The following ANK2 variants were observed in gnomAD, a reference collection of about 807,000 sequenced individuals.
ANK2 encodes ankyrin-2.
A neutral mutation model predicts 360.5 loss-of-function variants in ANK2; 83 were observed. That is an observed-to-expected ratio of 0.23 (90% CI 0.19 to 0.28). The LOEUF is 0.28. ANK2 is among the 10% of genes least tolerant of loss of function. The probability of loss-of-function intolerance (pLI) is 1.00; values close to 1 mark genes in which losing one functional copy is unlikely to be tolerated. For synonymous variants in ANK2, 1,740 were observed against 1,759.5 expected (o/e 0.99, Z 0.28); for missense variants, 4,201 against 4,795.7 (o/e 0.88, Z 3.66).
At chr4:112,928,731 T>C (rs751316373) in intron 2 of ANK2, among the ~76,000 whole-genome samples, 38 of 152,330 alleles carry the variant, frequency 2.5e-4, no homozygotes, top group Non-Finnish European at 5.0e-4. Flanking sequence ...GACAGCCATC[T>C]GCAAGCTAAA....
At chr4:112,979,142 C>T (rs1455097946) in intron 2 of ANK2, among the ~76,000 whole-genome samples, 1 of 152,184 alleles carries the variant, frequency 6.6e-6, no homozygotes, top group Non-Finnish European at 1.5e-5. Flanking sequence ...GTGCTTGGCT[C>T]GTGCTACCAG....
chr4:113,358,946 C>T lies in ANK2; in HGVS notation c.10328C>T (p.Pro3443Leu). Residue 3443 changes from proline (P) to leucine (L), a missense_variant, in exon 38 of 46, where the codon CCA (proline) becomes CTA (leucine). Physicochemically the swap from Pro to Leu is moderately conservative, Grantham distance 98. Transcript: ENST00000357077. ...CCAAAGATACTTACATCCCGATTGC[C>T]AGTTAAGAGCAGAAGCACTACATCT... is the stretch of plus-strand genomic sequence containing the variant. ...TRPKILTSRL[P>L]VKSRSTTSSC... The T allele has an allele frequency of 6.2e-7, 1 of 1,613,840 alleles. No individual in the cohort carries two copies. The highest frequency in any genetic ancestry group is 1.1e-5 in the South Asian group (1 of 91,066).
chr4:113,041,721 G>T (rs2062997843), intron 2 of ANK2, among the ~76,000 whole-genome samples: 1 of 152,064 alleles, frequency 6.6e-6, no homozygotes, highest in Non-Finnish European at 1.5e-5. Context: ...CTATAGACTG[G>T]GTGGCTTAAA....
chr4:113,357,989 A>T lies in ANK2; in HGVS notation c.9371A>T (p.Tyr3124Phe). Residue 3124 changes from tyrosine (Y) to phenylalanine (F), a missense_variant, in exon 38 of 46, where the codon TAT becomes TTT. Physicochemically the swap from Tyr to Phe is conservative, Grantham distance 22. Transcript: ENST00000357077. ...GCCATTGATATGACCAAAAGGTCCT[A>T]TGCAGATGAAAGTTTTCACTTTTTC... ...SGAIDMTKRSYADESFHFFQI... is the reference protein window; with the variant it reads ...SGAIDMTKRSFADESFHFFQI... The T allele has an allele frequency of 6.2e-7, 1 of 1,614,042 alleles. No homozygotes were observed.
At chr4:113,096,472 T>G (rs1019705824) in intron 1 of ANK2, among the ~76,000 whole-genome samples, 3 of 152,106 alleles carry the variant, frequency 2.0e-5, no homozygotes. Flanking sequence ...GGCTTCCACC[T>G]CACAGCCTGA....
At chr4:113,002,997 C>A (rs905395299) in intron 2 of ANK2, among the ~76,000 whole-genome samples, 2 of 152,214 alleles carry the variant, frequency 1.3e-5, no homozygotes, top group Non-Finnish European at 2.9e-5. Context: ...TTCTCTTATG[C>A]AACCATCTGC....
chr4:112,813,226 A>G (rs1037184360), upstream of ANK2, among the ~76,000 whole-genome samples: 3 of 139,784 alleles, frequency 2.1e-5, no homozygotes, highest in African/African-American at 7.9e-5. Context: ...CAACAGAGTG[A>G]GACTCTGTCT....
intron 1 of ANK2, among the ~76,000 whole-genome samples, chr4:113,147,427 G>C (rs1037493390): frequency 2.0e-5 from 3 of 152,164 alleles, no homozygotes; most frequent in Non-Finnish European, 2.9e-5. Context: ...TTTTAAAAAT[G>C]TACAATGTCA....
At chr4:112,853,839 C>T (rs991804513) in intron 1 of ANK2, among the ~76,000 whole-genome samples, 4 of 152,004 alleles carry the variant, frequency 2.6e-5, no homozygotes, top group Admixed American at 2.0e-4. Flanking sequence ...GAGAGGATGC[C>T]GTTTCTAGGA....
At chr4:113,000,993 GT>G (rs904429376) in intron 2 of ANK2, among the ~76,000 whole-genome samples, 4 of 150,806 alleles carry the variant, frequency 2.7e-5, no homozygotes, top group African/African-American at 9.8e-5. Flanking sequence ...ATGTTGAACA[GT>G]TTTTTTCTTT....
At chr4:113,097,755 A>G (rs527321564) in intron 1 of ANK2, among the ~76,000 whole-genome samples, 2 of 151,742 alleles carry the variant, frequency 1.3e-5, no homozygotes, top group South Asian at 4.2e-4. Context: ...TAGCTTTTAC[A>G]AAGCTAACTT....
chr4:112,943,188 G>A (rs978488031), intron 2 of ANK2, among the ~76,000 whole-genome samples: 3 of 152,010 alleles, frequency 2.0e-5, no homozygotes, highest in Admixed American at 2.0e-4. Context: ...CAATGAGATG[G>A]GGCTTCAACA....
rs762372282 is a variant in ANK2 at position 113,358,823 on chromosome 4, A to C, written c.10205A>C (p.Lys3402Thr). The C allele has an allele frequency of 2.5e-6, 4 of 1,614,012 alleles. No individual in the cohort carries two copies. The East Asian group carries it at 6.7e-5, about 27-fold the overall frequency. The change falls in exon 38 of 46, where the codon AAA (lysine) becomes ACA (threonine). Residue 3402 changes from lysine (K) to threonine (T), a missense_variant. By Grantham distance (78) the Lys-to-Thr change is moderately conservative (BLOSUM62 -1). This residue lies in a region of ANK2 where 2,642 missense variants were observed against 2,714.5 expected (regional missense o/e 0.97). Coordinates refer to ENST00000357077, the MANE Select transcript of ANK2 (RefSeq NM_001148.6). ...SDASSLDSKTKCPVKTRSYTE... is the reference protein window; with the variant it reads ...SDASSLDSKTTCPVKTRSYTE... ...GCTAGTTCTTTGGATTCAAAGACCA[A>C]ATGCCCAGTAAAAACCCGAAGTTAC... is the stretch of plus-strand genomic sequence containing the variant.
At chr4:113,339,443 G>T (rs943304379) in intron 32 of ANK2, 121 bp downstream of exon 32, 2 of 811,554 alleles carry the variant, frequency 2.5e-6, no homozygotes, top group East Asian at 2.7e-5. Context: ...TTTAAATATG[G>T]TCTGCCTTTG....
At chr4:113,310,259 G>A (rs2079221255) in intron 23 of ANK2, among the ~76,000 whole-genome samples, 1 of 152,164 alleles carries the variant, frequency 6.6e-6, no homozygotes, top group Admixed American at 6.5e-5. Flanking sequence ...AGAGACAGCG[G>A]TGAGAACTGG....
At chr4:113,374,858 C>A in intron 45 of ANK2, 1 of 1,273,434 alleles carries the variant, frequency 7.9e-7, no homozygotes, top group Non-Finnish European at 1.0e-6. Context: ...GTTAAAACAA[C>A]TGTGGTACTT....
chr4:113,013,506 T>C (rs754165957), intron 2 of ANK2, among the ~76,000 whole-genome samples: 2 of 152,198 alleles, frequency 1.3e-5, no homozygotes, highest in Non-Finnish European at 2.9e-5. Context: ...TTCATACTTA[T>C]CTAAAATGTA....
At chr4:112,759,312 T>A in the ANK2 span, among the ~76,000 whole-genome samples, 13 of 152,016 alleles carry the variant, frequency 8.6e-5, 1 homozygote, top group South Asian at 8.3e-4. Context: ...TAAAAAAAAA[T>A]TATTTTATTT....
chr4:112,760,125 C>A, the ANK2 span, among the ~76,000 whole-genome samples: 1 of 152,174 alleles, frequency 6.6e-6, no homozygotes, highest in African/African-American at 2.4e-5. Flanking sequence ...ACCCACCTGC[C>A]CACCCCAGTT....
Sources: allele counts gnomAD v4.1 joint callset (sites outside exome capture counted in the v4.1 genomes callset), GRCh38; gene constraint gnomAD v4.1.1; regional missense constraint gnomAD v4.1.1; transcripts MANE v1.5; gene names NCBI Gene and HGNC (gene_info 2026-07-23, HGNC 2026-07-21).